The following CHLSN variants were observed in gnomAD, a reference collection of about 807,000 sequenced individuals.
The protein encoded by CHLSN is cholesin.
At chr7:1,030,635 T>C in the CHLSN span, among the ~76,000 whole-genome samples, 3 of 152,208 alleles carry the variant, frequency 2.0e-5, no homozygotes, top group African/African-American at 7.2e-5. Context: ...AGGGCTGTGC[T>C]GTCCCCAGAC....
chr7:987,525 C>A, the CHLSN span: 1 of 1,522,006 alleles, frequency 6.6e-7, no homozygotes. Context: ...GCTTCCTGCT[C>A]CCCAAGGTGG....
the CHLSN span, among the ~76,000 whole-genome samples, chr7:1,130,680 T>C: frequency 6.7e-6 from 1 of 149,040 alleles, no homozygotes; most frequent in Non-Finnish European, 1.5e-5. Flanking sequence ...CAGAAAAGTG[T>C]CCTGCAGAGC....
At chr7:1,120,266 A>T in the CHLSN span, among the ~76,000 whole-genome samples, 2 of 152,170 alleles carry the variant, frequency 1.3e-5, no homozygotes, top group African/African-American at 2.4e-5. Flanking sequence ...CAGTGTGTGG[A>T]GGAGCCAGGA....
At chr7:1,046,104 A>T in the CHLSN span, among the ~76,000 whole-genome samples, 18 of 152,368 alleles carry the variant, frequency 1.2e-4, no homozygotes, top group African/African-American at 4.1e-4. Context: ...TCAATGGCAT[A>T]CTGCACAGAT....
chr7:1,127,431 C>A, the CHLSN span: 1 of 1,549,892 alleles, frequency 6.5e-7, no homozygotes, highest in East Asian at 2.3e-5. Flanking sequence ...AAATGAAAGG[C>A]TTAACTCATG....
At chr7:1,058,695 C>T in the CHLSN span, 3 of 602,366 alleles carry the variant, frequency 5.0e-6, no homozygotes, top group Admixed American at 6.2e-5. Context: ...GCTGTGGTCC[C>T]CGTGGCTGGC....
At chr7:1,063,541 C>T in the CHLSN span, among the ~76,000 whole-genome samples, 1 of 152,222 alleles carries the variant, frequency 6.6e-6, no homozygotes, top group Admixed American at 6.5e-5. Flanking sequence ...GTGCACGAAG[C>T]GGCGCTGTTC....
chr7:1,030,190 G>A, the CHLSN span, among the ~76,000 whole-genome samples: 1 of 152,026 alleles, frequency 6.6e-6, no homozygotes, highest in Non-Finnish European at 1.5e-5. Flanking sequence ...CCAACTCCGC[G>A]CATCCACCTG....
chr7:1,035,503 AAAG>A, the CHLSN span, among the ~76,000 whole-genome samples: 1 of 152,242 alleles, frequency 6.6e-6, no homozygotes, highest in Non-Finnish European at 1.5e-5. Flanking sequence ...ACCTCGAACC[AAAG>A]AAGATTTACA....
At chr7:1,075,028 G>A in the CHLSN span, among the ~76,000 whole-genome samples, 1 of 152,212 alleles carries the variant, frequency 6.6e-6, no homozygotes, top group Non-Finnish European at 1.5e-5. Context: ...TGGGCCATGG[G>A]AGGGCGCAGA....
At chr7:1,103,114 C>T in the CHLSN span, among the ~76,000 whole-genome samples, 2 of 152,234 alleles carry the variant, frequency 1.3e-5, no homozygotes, top group African/African-American at 4.8e-5. Context: ...CCCTGGCAGC[C>T]CCGTCCGGGA....
the CHLSN span, among the ~76,000 whole-genome samples, chr7:1,113,636 C>T: frequency 2.3e-3 from 352 of 152,330 alleles, 1 homozygote; most frequent in African/African-American, 7.9e-3. Context: ...GACTCCTTCC[C>T]GGGCGGCCCT....
the CHLSN span, among the ~76,000 whole-genome samples, chr7:1,049,720 T>C: frequency 5.3e-4 from 80 of 152,356 alleles, 1 homozygote; most frequent in African/African-American, 1.6e-3. Context: ...GTAGAAGGAA[T>C]TAGACCAGAG....
chr7:985,129 C>T, the CHLSN span: 60 of 1,604,112 alleles, frequency 3.7e-5, no homozygotes, highest in Middle Eastern at 1.7e-4. Flanking sequence ...CGCCCCTCCC[C>T]GGGCCTGGAC....
At chr7:979,183 A>G in the CHLSN span, among the ~76,000 whole-genome samples, 2 of 152,212 alleles carry the variant, frequency 1.3e-5, no homozygotes, top group African/African-American at 4.8e-5. Flanking sequence ...AAGTAAAGTT[A>G]GTTTTATTCA....
At chr7:1,050,686 G>A in the CHLSN span, among the ~76,000 whole-genome samples, 3,948 of 152,292 alleles carry the variant, frequency 0.026, 64 homozygotes, top group Non-Finnish European at 0.03. Context: ...AATCGCAGTC[G>A]GAGCCCAGCA....
the CHLSN span, among the ~76,000 whole-genome samples, chr7:1,001,410 GGTGAGTGGAGTCCT>G: frequency 6.2e-5 from 9 of 145,640 alleles, no homozygotes; most frequent in Admixed American, 6.8e-5. Context: ...GAGTCCTGTG[GGTGAGTGGAGTCCT>G]GTGGGTGGGG....
the CHLSN span, chr7:984,306 T>G: frequency 8.5e-4 from 1,189 of 1,404,854 alleles, 4 homozygotes; most frequent in African/African-American, 0.014. Flanking sequence ...CCTGCCCCCA[T>G]TTTCCCTCTG....
the CHLSN span, chr7:984,367 C>T: frequency 6.5e-7 from 1 of 1,537,718 alleles, no homozygotes. Flanking sequence ...TAAGGGGGGT[C>T]TTGTGGGTGA....
Sources: gnomAD v4.1 joint callset for allele counts (sites outside exome capture counted in the v4.1 genomes callset) on GRCh38, gnomAD v4.1.1 for gene constraint, MANE v1.5 for transcripts, NCBI Gene and HGNC (gene_info 2026-07-23, HGNC 2026-07-21) for gene names.